Variants in TRDN observed in about 807,000 individuals in gnomAD.
TRDN encodes the protein triadin.
Under a neutral mutation model 149.7 loss-of-function variants are expected in TRDN, and 161 were observed. That is an observed-to-expected ratio of 1.08 (90% CI 0.95 to 1.23). The LOEUF (loss-of-function observed/expected upper bound fraction) is 1.23, where lower values mean the gene tolerates loss of function less well. Ranked by LOEUF, TRDN falls within the 50% of genes most tolerant of loss-of-function variation. TRDN has a pLI of 0.00. For missense variants in TRDN, 896 were observed against 823.5 expected, an observed-to-expected ratio of 1.09 and a Z score of -1.08; for synonymous variants, 294 against 250.5, an observed-to-expected ratio of 1.17 and a Z score of -1.64.
At chr6:123,279,220 T>C in intron 24 of TRDN, 138 bp from the exon 25 acceptor site, 1 of 688,690 alleles carries the variant, frequency 1.5e-6, no homozygotes, top group South Asian at 2.8e-5. Flanking sequence ...GTTGAAATTC[T>C]ATAGAATGTG....
At chr6:123,555,501 G>A (rs930112490) in intron 2 of TRDN, among the ~76,000 whole-genome samples, 2 of 151,974 alleles carry the variant, frequency 1.3e-5, no homozygotes, top group Non-Finnish European at 2.9e-5. Context: ...TATAGTACTG[G>A]AATTACATAT....
intron 24 of TRDN, among the ~76,000 whole-genome samples, chr6:123,303,757 T>C (rs1406561293): frequency 6.6e-6 from 1 of 152,160 alleles, no homozygotes; most frequent in African/African-American, 2.4e-5. Context: ...GAGGGCAGTA[T>C]GACAATGAAT....
At chr6:123,360,703 AAGAGAGAGAGAGAGACGG>A (rs1562277876) in intron 20 of TRDN, among the ~76,000 whole-genome samples, 1 of 114,240 alleles carries the variant, frequency 8.8e-6, no homozygotes, top group East Asian at 2.5e-4. Context: ...GACAGAGAGA[AAGAGAGAGAGAGAGACGG>A]AGAGAGAGAG....
chr6:123,265,044 T>A (rs2114597870), intron 33 of TRDN, among the ~76,000 whole-genome samples: 1 of 152,132 alleles, frequency 6.6e-6, no homozygotes, highest in African/African-American at 2.4e-5. Flanking sequence ...TTTCCTTGAA[T>A]TGCATTTTTT....
At chr6:123,224,418 C>T (rs1270895530) in intron 38 of TRDN, among the ~76,000 whole-genome samples, 1 of 151,704 alleles carries the variant, frequency 6.6e-6, no homozygotes, top group Non-Finnish European at 1.5e-5. Context: ...GGTTTCCCTC[C>T]TCCTCTGACT....
At chr6:123,339,009 G>GT (rs948284222) in intron 21 of TRDN, among the ~76,000 whole-genome samples, 114 of 151,120 alleles carry the variant, frequency 7.5e-4, no homozygotes, top group African/African-American at 1.9e-3. Flanking sequence ...TGTATTAGGG[G>GT]TTTTTTTTTG....
In TRDN at chr6:123,316,444, A is replaced by C. The variant is rs777018003; in HGVS notation, c.1510+13T>G. 6.2e-7 allele frequency: 1 copy of C among 1,609,578 alleles called. No homozygotes were observed. Among genetic ancestry groups the C allele is most frequent in the South Asian group, 1.1e-5 (1 of 90,938 alleles). ...ACATCTCCTTGTATGTAAATCTTAC[A>C]AAATATCCTTACCTGCTTTGGACAT... On this transcript the variant is annotated intron_variant, in intron 24 of 40. Coordinates refer to ENST00000334268, the MANE Select transcript of TRDN (RefSeq NM_006073.4).
intron 12 of TRDN, among the ~76,000 whole-genome samples, chr6:123,407,223 G>A (rs1022105183): frequency 6.6e-6 from 1 of 152,136 alleles, no homozygotes; most frequent in Admixed American, 6.5e-5. Flanking sequence ...GTTTGCATTG[G>A]TAGTTACAGA....
intron 39 of TRDN, among the ~76,000 whole-genome samples, chr6:123,223,086 G>A (rs989582852): frequency 1.3e-5 from 2 of 151,826 alleles, no homozygotes; most frequent in African/African-American, 4.8e-5. Context: ...AAAGCAGTGT[G>A]ATGATTCCTC....
At chr6:123,325,244 T>C (rs904023945) in intron 23 of TRDN, among the ~76,000 whole-genome samples, 2 of 152,162 alleles carry the variant, frequency 1.3e-5, no homozygotes, top group African/African-American at 2.4e-5. Flanking sequence ...ATTTAATCTT[T>C]GGGCATCAAT....
chr6:123,636,710 A>T lies in TRDN; in HGVS notation c.22+44T>A, dbSNP rs767477516. ...AGTTAATGTGGCTGTCGATTTGCAT[A>T]TTTTTTTTCCTTACTTGATACTATC... On this transcript the variant is annotated intron_variant, in intron 1 of 40. Coordinates refer to ENST00000334268, the MANE Select transcript of TRDN (RefSeq NM_006073.4). 4 of 1,605,570 alleles carry T rather than the reference A, an allele frequency of 2.5e-6. No individual in the cohort carries two copies. In the South Asian group the frequency reaches 3.3e-5, roughly 13 times the overall value.
At chr6:123,583,272 T>C (rs1783228470) in intron 1 of TRDN, among the ~76,000 whole-genome samples, 1 of 151,966 alleles carries the variant, frequency 6.6e-6, no homozygotes, top group African/African-American at 2.4e-5. Flanking sequence ...AATAGGAGTA[T>C]GACTAGACAG....
At chr6:123,243,065 G>T (rs527376603) in intron 38 of TRDN, among the ~76,000 whole-genome samples, 1 of 152,188 alleles carries the variant, frequency 6.6e-6, no homozygotes, top group African/African-American at 2.4e-5. Flanking sequence ...TTCATGATGT[G>T]CCCCGAAGAC....
chr6:123,467,828 A>G (rs915545068), intron 9 of TRDN, among the ~76,000 whole-genome samples: 9 of 152,166 alleles, frequency 5.9e-5, no homozygotes, highest in African/African-American at 1.7e-4. Flanking sequence ...TATTATATTT[A>G]TAATACAGCT....
At chr6:123,608,298 T>G (rs1161600858) in intron 1 of TRDN, among the ~76,000 whole-genome samples, 3 of 152,186 alleles carry the variant, frequency 2.0e-5, no homozygotes, top group East Asian at 3.9e-4. Flanking sequence ...GCAGCTATGA[T>G]AATTTAATTT....
intron 24 of TRDN, among the ~76,000 whole-genome samples, chr6:123,295,983 G>C (rs986237231): frequency 6.6e-6 from 1 of 151,238 alleles, no homozygotes; most frequent in African/African-American, 2.4e-5. Flanking sequence ...AAAAAAAAAA[G>C]ATGAATGAAT....
At chr6:123,440,445 A>G (rs1774814135) in intron 10 of TRDN, among the ~76,000 whole-genome samples, 1 of 152,228 alleles carries the variant, frequency 6.6e-6, no homozygotes, top group Admixed American at 6.5e-5. Flanking sequence ...ACTTTCAAGT[A>G]TCACTACTTT....
chr6:123,376,227 T>C (rs1352713646), intron 18 of TRDN, among the ~76,000 whole-genome samples: 1 of 152,162 alleles, frequency 6.6e-6, no homozygotes, highest in Admixed American at 6.5e-5. Context: ...GCACACACTA[T>C]CTTAGGTTCT....
At chr6:123,617,520 A>G (rs1461027549) in intron 1 of TRDN, among the ~76,000 whole-genome samples, 3 of 152,132 alleles carry the variant, frequency 2.0e-5, no homozygotes, top group African/African-American at 7.2e-5. Flanking sequence ...GCTGATTATT[A>G]GCTGGAAAAT....
Sources: gnomAD v4.1 joint callset for allele counts (sites outside exome capture counted in the v4.1 genomes callset) on GRCh38, gnomAD v4.1.1 for gene constraint, MANE v1.5 for transcripts, NCBI Gene and HGNC (gene_info 2026-07-23, HGNC 2026-07-21) for gene names.